MLF1: variants seen among roughly 807,000 people sequenced by gnomAD.
MLF1 encodes myelodysplasia-myeloid leukemia factor 1.
In MLF1, 37 loss-of-function variants were observed where a neutral mutation model predicts 38.3. That is an observed-to-expected ratio of 0.96 (90% CI 0.74 to 1.27). MLF1 has a LOEUF of 1.27. Among genes scored for constraint, MLF1 ranks in the 50% most tolerant of loss-of-function variants. MLF1 has a pLI of 0.00. For missense variants in MLF1, 331 were observed against 349.2 expected (o/e 0.95, Z 0.42); for synonymous variants, 95 against 106.5 (o/e 0.89, Z 0.66).
chr3:158,574,371 CT>C (rs1017952520), intron 1 of MLF1, among the ~76,000 whole-genome samples: 8 of 151,718 alleles, frequency 5.3e-5, no homozygotes, highest in African/African-American at 1.9e-4. Flanking sequence ...GTGATTCTCT[CT>C]TTTGAAAGCC....
At chr3:158,573,406 G>GGT (rs1457810163) in intron 1 of MLF1, 1 of 127,966 alleles carries the variant, frequency 7.8e-6, no homozygotes, top group Non-Finnish European at 1.7e-5. Flanking sequence ...GGCGGCGGGG[G>GGT]GGGGGGGGTG....
intron 1 of MLF1, 97 bp from the exon 2 acceptor site, chr3:158,592,337 C>T: frequency 9.6e-7 from 1 of 1,036,960 alleles, no homozygotes; most frequent in East Asian, 2.6e-5. Flanking sequence ...ATCTAACAAA[C>T]ATATTAGCCC....
In MLF1 at chr3:158,574,505, T is replaced by TAAAAAAAAAAAA. The variant is rs758915813; in HGVS notation, c.47+3169_47+3180dup. 3.7e-4 allele frequency among the ~76,000 whole-genome samples: 34 copies of TAAAAAAAAAAAA among 91,382 alleles called. 5 individuals carry two copies. Among genetic ancestry groups the TAAAAAAAAAAAA allele is most frequent in the African/African-American group, 1.7e-3 (30 of 17,438 alleles). 60.0% of individuals were successfully genotyped at this position (91,382 alleles called of 152,430 possible). A position where few individuals can be genotyped will look rare whatever the true frequency, so the allele number is the denominator to read the frequency against. On this transcript the variant is annotated intron_variant, in intron 1 of 7. Coordinates refer to ENST00000466246, the MANE Select transcript of MLF1 (RefSeq NM_001369783.1). ...CAACATGGTGAAACCCCATCTGTAC[T>TAAAAAAAAAAAA]AAAAAAAAAAAAAAAAAAAAAATAC...
At chr3:158,598,650 A>G (rs917779721) in intron 5 of MLF1, among the ~76,000 whole-genome samples, 1 of 152,166 alleles carries the variant, frequency 6.6e-6, no homozygotes, top group African/African-American at 2.4e-5. Context: ...CCTGCCACCC[A>G]GTTTAGTCAT....
chr3:158,571,382 G>T (rs923491224), intron 1 of MLF1, 35 bp downstream of exon 1: 1 of 1,612,728 alleles, frequency 6.2e-7, no homozygotes, highest in Non-Finnish European at 8.5e-7. Context: ...GGGGTCGCGC[G>T]GGAATTAAGG....
chr3:158,582,325 A>C (rs551524208), intron 1 of MLF1, among the ~76,000 whole-genome samples: 242 of 148,994 alleles, frequency 1.6e-3, no homozygotes, highest in South Asian at 0.011. Context: ...GAAAAAAAAA[A>C]CCCATAATAT....
Position 158,605,367 on chromosome 3 carries a change from C to T in MLF1, c.*165C>T, listed in dbSNP as rs1157775581. On this transcript the variant is annotated 3_prime_UTR_variant, in exon 8 of 8. Coordinates refer to ENST00000466246, the MANE Select transcript of MLF1 (RefSeq NM_001369783.1). The stretch of plus-strand genomic sequence containing the variant: ...AAGGTCCTAGCTTTATATTGTCCCT[C>T]TTTTAGGAATAAAATTTTGATTTTC... 2.3e-6 allele frequency: 1 copy of T among 443,330 alleles called. No individual in the cohort carries two copies. Among genetic ancestry groups the T allele is most frequent in the Non-Finnish European group, 4.0e-6 (1 of 249,424 alleles). 27.5% of individuals were successfully genotyped at this position (443,330 alleles called of 1,614,324 possible).
chr3:158,593,365 G>C lies in MLF1; in HGVS notation c.196-17G>C, dbSNP rs755113659. On this transcript the variant is annotated splice_polypyrimidine_tract_variant and intron_variant, in intron 2 of 7. Coordinates refer to ENST00000466246, the MANE Select transcript of MLF1 (RefSeq NM_001369783.1). ...AATAAATGTCATAATCAAATGAATT[G>C]GATATTATTTTTCCAGGCAACGAGT... 4.6e-6 allele frequency: 7 copies of C among 1,534,282 alleles called. No homozygotes were observed. In the South Asian group the frequency reaches 8.5e-5, roughly 19 times the overall value.
intron 1 of MLF1, among the ~76,000 whole-genome samples, chr3:158,580,342 C>T (rs2573181): frequency 0.011 from 1,624 of 150,808 alleles, 17 homozygotes; most frequent in Non-Finnish European, 0.015. Flanking sequence ...TAGAGTGATA[C>T]GTATGCCAAA....
At position 158,606,049 on chromosome 3, in the gene MLF1, C is replaced by T. The variant is rs1720456994; in HGVS notation, c.*847C>T. On this transcript the variant is annotated 3_prime_UTR_variant, in exon 8 of 8. Transcript: ENST00000466246. ...TTTAGAAAAATGCATTTGGTATTCTCCAAACCAGAATGATACATTGTCTCA... is the reference window on the plus strand; with the variant it reads ...TTTAGAAAAATGCATTTGGTATTCTTCAAACCAGAATGATACATTGTCTCA... The T allele has an allele frequency of 5.5e-6, 1 of 182,570 alleles. No homozygotes were observed. Among genetic ancestry groups the T allele is most frequent in the East Asian group, 9.0e-5 (1 of 11,150 alleles). The allele number at this position is 182,570 out of a possible 1,614,324, so 11.3% of individuals were successfully genotyped here.
chr3:158,599,527 A>C (rs1719420545), intron 5 of MLF1, among the ~76,000 whole-genome samples: 1 of 152,204 alleles, frequency 6.6e-6, no homozygotes. Context: ...GACAAACTTA[A>C]ATGTAAACAG....
intron 6 of MLF1, among the ~76,000 whole-genome samples, chr3:158,600,904 T>C (rs1480321123): frequency 1.3e-5 from 2 of 151,678 alleles, no homozygotes; most frequent in Non-Finnish European, 2.9e-5. Context: ...CCTTCTAGTG[T>C]CCTAACTCTT....
intron 3 of MLF1, among the ~76,000 whole-genome samples, chr3:158,596,274 G>A (rs920952617): frequency 6.6e-6 from 1 of 152,056 alleles, no homozygotes; most frequent in Non-Finnish European, 1.5e-5. Flanking sequence ...TGCTTCAAGG[G>A]TATAGCCTAC....
intron 1 of MLF1, among the ~76,000 whole-genome samples, chr3:158,585,937 G>A (rs1717178236): frequency 6.6e-6 from 1 of 152,132 alleles, no homozygotes; most frequent in African/African-American, 2.4e-5. Context: ...TGAGGTGGAT[G>A]GATTGCCTGA....
At chr3:158,597,274 A>T (rs1312254213) in intron 4 of MLF1, among the ~76,000 whole-genome samples, 1 of 152,094 alleles carries the variant, frequency 6.6e-6, no homozygotes, top group Non-Finnish European at 1.5e-5. Context: ...TGGAAAAAAA[A>T]TAACCTCAAA....
At chr3:158,592,639 G>C in intron 2 of MLF1, 58 bp downstream of exon 2, 1 of 1,355,074 alleles carries the variant, frequency 7.4e-7, no homozygotes, top group Non-Finnish European at 1.0e-6. Flanking sequence ...TTGAAGAAAA[G>C]TATTACAGAA....
At chr3:158,581,655 T>C (rs1308670111) in intron 1 of MLF1, among the ~76,000 whole-genome samples, 1 of 152,176 alleles carries the variant, frequency 6.6e-6, no homozygotes, top group Non-Finnish European at 1.5e-5. Context: ...TGTACTACTT[T>C]CAACAAAATA....
chr3:158,572,932 A>G (rs1036864028), intron 1 of MLF1, among the ~76,000 whole-genome samples: 1 of 151,558 alleles, frequency 6.6e-6, no homozygotes, highest in Admixed American at 6.6e-5. Flanking sequence ...GCTGCTTTCC[A>G]TTTGGCCGGA....
Position 158,573,378 on chromosome 3 carries a change from G to T in MLF1, c.47+2031G>T, listed in dbSNP as rs1248132854. On this transcript the variant is annotated intron_variant, in intron 1 of 7. Coordinates refer to ENST00000466246, the MANE Select transcript of MLF1 (RefSeq NM_001369783.1). Reference sequence around the variant, plus strand: ...GGGAAGCTGATGGGGCGGGGCGGGGGGAGGGGGGCGGGAGGAGGGCGGCGG... The same window carrying T: ...GGGAAGCTGATGGGGCGGGGCGGGGTGAGGGGGGCGGGAGGAGGGCGGCGG... 4.0e-3 allele frequency: 522 copies of T among 131,816 alleles called. 5 individuals are homozygous for T. Among genetic ancestry groups the T allele is most frequent in the African/African-American group, 0.014 (502 of 35,566 alleles). The allele number at this position is 131,816 out of a possible 1,614,324, so 8.2% of individuals were successfully genotyped here.
Sources: allele counts gnomAD v4.1 joint callset (sites outside exome capture counted in the v4.1 genomes callset), GRCh38; gene constraint gnomAD v4.1.1; transcripts MANE v1.5; gene names NCBI Gene and HGNC (gene_info 2026-07-23, HGNC 2026-07-21).